The following NBEA variants were observed in gnomAD, a reference collection of about 807,000 sequenced individuals.
The protein encoded by NBEA is neurobeachin, also known as lysosomal-trafficking regulator 2.
A neutral mutation model predicts 343.4 loss-of-function variants in NBEA; 44 were observed. That is an observed-to-expected ratio of 0.13 (90% CI 0.10 to 0.16). The LOEUF (loss-of-function observed/expected upper bound fraction) is 0.16, where lower values mean the gene tolerates loss of function less well. NBEA is among the 10% of genes least tolerant of loss of function. The pLI is 1.00. For missense variants in NBEA, 2,555 were observed against 3,631.3 expected (o/e 0.70, Z 7.62); for synonymous variants, 1,175 against 1,238.7 (o/e 0.95, Z 1.08).
intron 18 of NBEA, among the ~76,000 whole-genome samples, chr13:35,155,025 G>T (rs528319835): frequency 4.2e-4 from 63 of 150,310 alleles, no homozygotes; most frequent in African/African-American, 1.4e-3. Context: ...AGCTACTTGG[G>T]AGACTTAGGC....
intron 30 of NBEA, among the ~76,000 whole-genome samples, chr13:35,189,364 T>G (rs1394714549): frequency 2.0e-5 from 3 of 152,152 alleles, no homozygotes; most frequent in African/African-American, 7.2e-5. Context: ...TCAAGTTATT[T>G]GCCTATGCTT....
At chr13:35,170,643 A>G (rs1034047006) in intron 25 of NBEA, among the ~76,000 whole-genome samples, 1 of 151,876 alleles carries the variant, frequency 6.6e-6, no homozygotes, top group African/African-American at 2.4e-5. Flanking sequence ...CTAGTGTTTT[A>G]TAAGTCACGA....
At chr13:35,193,204 A>T (rs1381912411) in intron 30 of NBEA, among the ~76,000 whole-genome samples, 1 of 151,962 alleles carries the variant, frequency 6.6e-6, no homozygotes, top group Non-Finnish European at 1.5e-5. Context: ...ATAGATACAA[A>T]TGTATGTTAA....
intron 4 of NBEA, 70 bp from the exon 5 acceptor site, chr13:35,048,493 C>G: frequency 7.2e-7 from 1 of 1,395,058 alleles, no homozygotes; most frequent in South Asian, 1.4e-5. Flanking sequence ...CTGCAAAAGC[C>G]ATATTTGACC....
In NBEA at chr13:35,173,483, A is replaced by G; in HGVS notation, c.4443A>G (p.Arg1481=). The change falls in exon 27 of 59, where the codon AGA becomes AGG. Residue 1481 remains arginine (R), a synonymous_variant. Coordinates refer to ENST00000379939, the MANE Select transcript of NBEA (RefSeq NM_001385012.1). ...AAATAGTTTGTTGTGTTGCTGTGAG[A>G]AACTGTTTAGAATGTCGGCAAAGAC... is the stretch of plus-strand genomic sequence containing the variant. ...CLRLVCCVAV[R]NCLECRQRQR... is the part of the protein sequence containing the mutation. 1 of 1,608,606 alleles carries G rather than the reference A, an allele frequency of 6.2e-7. No individual in the cohort carries two copies.
intron 48 of NBEA, among the ~76,000 whole-genome samples, chr13:35,615,733 G>T (rs902125207): frequency 6.6e-6 from 1 of 152,180 alleles, no homozygotes; most frequent in Non-Finnish European, 1.5e-5. Flanking sequence ...GTAAGTGGTG[G>T]TGGCAGGCAA....
At chr13:35,613,698 G>A (rs1444682543) in intron 48 of NBEA, among the ~76,000 whole-genome samples, 1 of 152,034 alleles carries the variant, frequency 6.6e-6, no homozygotes, top group African/African-American at 2.4e-5. Context: ...AGTGACCACT[G>A]CAGCCTTGAA....
At position 35,449,599 on chromosome 13, in the gene NBEA, T is replaced by C. The variant is rs571022060; in HGVS notation, c.6305-2493T>C. ...TCTCAAATGATGCAAGCTCTATATT[T>C]CTGTTTGCCAAGAAGCAAACAAGTT... On this transcript the variant is annotated intron_variant, in intron 39 of 58. Coordinates refer to ENST00000379939, the MANE Select transcript of NBEA (RefSeq NM_001385012.1). Among the ~76,000 whole-genome samples, 15 of 152,322 alleles carry C rather than the reference T, an allele frequency of 9.8e-5. No homozygotes were observed. The South Asian group carries it at 3.1e-3, about 32-fold the overall frequency.
At chr13:35,627,076 G>A (rs1283340857) in intron 48 of NBEA, among the ~76,000 whole-genome samples, 2 of 152,042 alleles carry the variant, frequency 1.3e-5, no homozygotes, top group Non-Finnish European at 2.9e-5. Context: ...GCAGTTTTTG[G>A]CAATCTTAAT....
chr13:35,423,531 C>T (rs2044439680), intron 38 of NBEA, among the ~76,000 whole-genome samples: 2 of 152,108 alleles, frequency 1.3e-5, no homozygotes, highest in Admixed American at 1.3e-4. Context: ...GTACCAGTAC[C>T]ATGCTGTTTT....
At chr13:35,604,616 A>C (rs901016764) in intron 47 of NBEA, among the ~76,000 whole-genome samples, 14 of 151,996 alleles carry the variant, frequency 9.2e-5, no homozygotes, top group Admixed American at 9.2e-4. Context: ...TGTGTTAAAA[A>C]CTCTTTTTTA....
At chr13:35,380,026 G>A (rs1226585946) in intron 38 of NBEA, among the ~76,000 whole-genome samples, 1 of 152,170 alleles carries the variant, frequency 6.6e-6, no homozygotes. Context: ...TTTTGATTGG[G>A]ATTGCATTGA....
intron 41 of NBEA, among the ~76,000 whole-genome samples, chr13:35,488,110 T>C (rs973745868): frequency 6.6e-6 from 1 of 151,882 alleles, no homozygotes; most frequent in Non-Finnish European, 1.5e-5. Context: ...TTTTAGGTAT[T>C]TTTTCCGTGA....
intron 31 of NBEA, among the ~76,000 whole-genome samples, chr13:35,197,086 T>G (rs1271385000): frequency 6.6e-6 from 1 of 152,186 alleles, no homozygotes; most frequent in Non-Finnish European, 1.5e-5. Flanking sequence ...TATCTTCCAC[T>G]ATTTAAAAAC....
At chr13:35,104,269 A>G (rs1231398003) in intron 11 of NBEA, among the ~76,000 whole-genome samples, 7 of 151,908 alleles carry the variant, frequency 4.6e-5, no homozygotes, top group Non-Finnish European at 7.4e-5. Context: ...TAAATAAATT[A>G]GTATTCCTTC....
intron 22 of NBEA, 118 bp downstream of exon 22, chr13:35,160,150 A>AG: frequency 1.0e-6 from 1 of 975,282 alleles, no homozygotes; most frequent in Non-Finnish European, 1.5e-6. Flanking sequence ...ATAGTATAAT[A>AG]GTAATTTATG....
intron 33 of NBEA, among the ~76,000 whole-genome samples, chr13:35,218,969 C>A (rs962877223): frequency 6.6e-6 from 1 of 151,920 alleles, no homozygotes; most frequent in Non-Finnish European, 1.5e-5. Context: ...TGGATCTCTT[C>A]TTTTAGGAAA....
At chr13:35,348,290 AC>A (rs1185694893) in intron 36 of NBEA, among the ~76,000 whole-genome samples, 1 of 152,118 alleles carries the variant, frequency 6.6e-6, no homozygotes, top group East Asian at 1.9e-4. Flanking sequence ...TGTATAATGT[AC>A]TAATAATTAT....
chr13:35,610,399 AC>A (rs1382330392), intron 48 of NBEA, among the ~76,000 whole-genome samples: 2 of 152,000 alleles, frequency 1.3e-5, no homozygotes, highest in South Asian at 2.1e-4. Context: ...CCAGAGCAAG[AC>A]CCTCTCTCAA....
Sources: gnomAD v4.1 joint callset for allele counts (sites outside exome capture counted in the v4.1 genomes callset) on GRCh38, gnomAD v4.1.1 for gene constraint, MANE v1.5 for transcripts, NCBI Gene and HGNC (gene_info 2026-07-23, HGNC 2026-07-21) for gene names.